The following SYNE1 variants were observed in gnomAD, a reference collection of about 807,000 sequenced individuals.
SYNE1 encodes nesprin-1.
Under a neutral mutation model 1,111.0 loss-of-function variants are expected in SYNE1, and 616 were observed. That is an observed-to-expected ratio of 0.55 (90% CI 0.52 to 0.59). The LOEUF (loss-of-function observed/expected upper bound fraction) is 0.59. Ranked by LOEUF, SYNE1 falls within the 20% of genes least tolerant of loss-of-function variation. The pLI, the probability that SYNE1 is intolerant of heterozygous loss-of-function variation, is 0.00. For synonymous variants in SYNE1, 3,855 were observed against 3,825.8 expected (o/e 1.01, Z -0.28); for missense variants, 10,006 against 10,417.0 (o/e 0.96, Z 1.72).
intron 6 of SYNE1, among the ~76,000 whole-genome samples, chr6:152,519,395 G>A (rs1421460998): frequency 6.6e-6 from 1 of 152,090 alleles, no homozygotes; most frequent in Admixed American, 6.6e-5. Context: ...GAAAAATTAT[G>A]AGCCAATATT....
Position 152,126,301 on chromosome 6 carries a change from G to A in SYNE1, c.26154-3625C>T, listed in dbSNP as rs988465590. 2.0e-5 allele frequency: 3 copies of A among 152,154 alleles called. No homozygotes were observed. The East Asian group carries it at 5.8e-4, about 29-fold the overall frequency. The allele number at this position is 152,154 out of a possible 1,614,324, so 9.4% of individuals were successfully genotyped here. On this transcript the variant is annotated intron_variant, in intron 145 of 145. Coordinates refer to ENST00000367255, the MANE Select transcript of SYNE1 (RefSeq NM_182961.4). ...GCCCAAAGCTGCCTCATCTTCAGGG[G>A]GAACTTGTTCTAGCGATTTTAGTAT...
Position 152,135,028 on chromosome 6 carries a change from C to T in SYNE1, c.25788+76G>A, listed in dbSNP as rs562578009. 22 of 1,599,710 alleles carry T rather than the reference C, an allele frequency of 1.4e-5. No individual in the cohort carries two copies. In the African/African-American group the frequency reaches 2.8e-4, roughly 20 times the overall value. The stretch of plus-strand genomic sequence containing the variant: ...AAAAAAAAAGAAACAACACTTACCA[C>T]TTATATTCATTTTCTGTAAATGAAA... On this transcript the variant is annotated intron_variant, in intron 142 of 145. Transcript: ENST00000367255.
In SYNE1 at chr6:152,455,447, C is replaced by T; in HGVS notation, c.2871G>A (p.Glu957=). ...QEGLEEKGDP[E]ELLRRHTEFF... is the part of the protein sequence containing the mutation. ...TCACAGTGTGTCTCCGCAGGAGCTC[C>T]TCTGGATCCCCCTTTTCCTCCAGGC... is the stretch of plus-strand genomic sequence containing the variant. Residue 957 remains glutamate (E), a synonymous_variant, in exon 24 of 146, where the codon GAG becomes GAA. Transcript: ENST00000367255. The T allele has an allele frequency of 1.2e-6, 2 of 1,614,110 alleles. No individual in the cohort carries two copies. The highest frequency in any genetic ancestry group is 1.1e-5 in the South Asian group (1 of 91,080).
chr6:152,309,087 G>A (rs745609965), intron 90 of SYNE1, among the ~76,000 whole-genome samples: 1 of 152,216 alleles, frequency 6.6e-6, no homozygotes, highest in Non-Finnish European at 1.5e-5. Flanking sequence ...TGGAGGCCAA[G>A]GTGGCTGGAT....
At chr6:152,288,101 A>C (rs2094424844) in intron 95 of SYNE1, among the ~76,000 whole-genome samples, 1 of 150,184 alleles carries the variant, frequency 6.7e-6, no homozygotes, top group Non-Finnish European at 1.5e-5. Flanking sequence ...CTCCTCCATA[A>C]TTAGATGGAT....
intron 76 of SYNE1, 128 bp downstream of exon 76, chr6:152,336,713 A>T: frequency 7.9e-7 from 1 of 1,264,010 alleles, no homozygotes; most frequent in Non-Finnish European, 1.1e-6. Context: ...CCTCTGCCTT[A>T]AAGAGTTGTA....
chr6:152,282,189 T>C (rs1465177856), intron 96 of SYNE1: 1 of 603,484 alleles, frequency 1.7e-6, no homozygotes, highest in Non-Finnish European at 3.0e-6. Context: ...AAAGACTCCC[T>C]AGTGATTTTA....
intron 21 of SYNE1, among the ~76,000 whole-genome samples, chr6:152,459,293 A>C (rs2098717001): frequency 6.6e-6 from 1 of 152,126 alleles, no homozygotes; most frequent in South Asian, 2.1e-4. Context: ...ATCTGACCTA[A>C]GACAGTCATG....
chr6:152,160,554 T>C (rs1160573918), intron 131 of SYNE1, among the ~76,000 whole-genome samples: 7 of 152,206 alleles, frequency 4.6e-5, no homozygotes, highest in Non-Finnish European at 1.0e-4. Context: ...GTGTAGCATA[T>C]GCAGCATATA....
intron 3 of SYNE1, among the ~76,000 whole-genome samples, chr6:152,620,963 A>T (rs906421768): frequency 1.3e-5 from 2 of 152,204 alleles, no homozygotes; most frequent in African/African-American, 4.8e-5. Context: ...GATAATTGTC[A>T]TATTGTGCTA....
In SYNE1 at chr6:152,125,279, A is replaced by G. The variant is rs552930809; in HGVS notation, c.26154-2603T>C. The G allele has an allele frequency of 1.0e-5, 16 of 1,550,468 alleles. No individual in the cohort carries two copies. In the Admixed American group the frequency reaches 1.8e-4, roughly 17 times the overall value. Reference sequence around the variant, plus strand: ...TTCATTTCACAGGTATCTCACATGTAGAAGCAAAGAAGAGAATCCTGAACT... The same window carrying G: ...TTCATTTCACAGGTATCTCACATGTGGAAGCAAAGAAGAGAATCCTGAACT... On this transcript the variant is annotated intron_variant, in intron 145 of 145. Coordinates refer to ENST00000367255, the MANE Select transcript of SYNE1 (RefSeq NM_182961.4).
intron 22 of SYNE1, 87 bp downstream of exon 22, chr6:152,458,670 T>G: frequency 7.8e-6 from 11 of 1,403,178 alleles, no homozygotes; most frequent in Non-Finnish European, 1.1e-5. Flanking sequence ...TTTCTTGTCC[T>G]CACTGAATTT....
At chr6:152,285,542 G>A (rs76984077) in intron 95 of SYNE1, among the ~76,000 whole-genome samples, 16,789 of 151,878 alleles carry the variant, frequency 0.11, 1,065 homozygotes, top group Admixed American at 0.19. Flanking sequence ...TGCCTCGTGT[G>A]CCACACTCCC....
intron 3 of SYNE1, among the ~76,000 whole-genome samples, chr6:152,542,444 T>C (rs1022257320): frequency 4.6e-5 from 7 of 152,186 alleles, no homozygotes; most frequent in Non-Finnish European, 1.0e-4. Context: ...GGCACTGACA[T>C]TTAGATAAAT....
intron 143 of SYNE1, 55 bp downstream of exon 143, chr6:152,133,221 G>T: frequency 6.7e-7 from 1 of 1,500,492 alleles, no homozygotes; most frequent in Non-Finnish European, 9.3e-7. Context: ...TGAAGATGAT[G>T]CTTCTTTGGT....
intron 4 of SYNE1, among the ~76,000 whole-genome samples, chr6:152,529,948 C>T (rs936801096): frequency 6.6e-6 from 1 of 152,146 alleles, no homozygotes; most frequent in African/African-American, 2.4e-5. Context: ...ACCCAAATCA[C>T]ATTATTAGCA....
At position 152,302,017 on chromosome 6, in the gene SYNE1, A is replaced by G. The variant is rs768053953; in HGVS notation, c.17393T>C (p.Leu5798Ser). Residue 5798 changes from leucine to serine, a missense_variant, in exon 92 of 146, where the codon TTG becomes TCG. This residue lies in a region of SYNE1 where 4,955 missense variants were observed against 5,017.2 expected (regional missense o/e 0.99). Transcript: ENST00000367255. ...CGTCAGCATCTTGCACTTGGAATTC[A>G]AAGAAGCGATCTGCTCCTGGTAGCC... Reference protein sequence around the residue: ...IKGYQEQIASLNSKCKMLTMK... With the variant: ...IKGYQEQIASSNSKCKMLTMK... 1.9e-6 allele frequency: 3 copies of G among 1,614,152 alleles called. No homozygotes were observed.
intron 11 of SYNE1, 58 bp downstream of exon 11, chr6:152,498,684 G>T (rs1349479577): frequency 4.1e-6 from 5 of 1,206,870 alleles, no homozygotes; most frequent in Non-Finnish European, 5.9e-6. Flanking sequence ...TGACTAAAAT[G>T]CTACAGAATG....
Position 152,136,775 on chromosome 6 carries a change from G to C in SYNE1, c.25502C>G (p.Ser8501Cys), listed in dbSNP as rs780663334. 1 of 1,614,234 alleles carries C rather than the reference G, an allele frequency of 6.2e-7. No individual in the cohort carries two copies. Among genetic ancestry groups the C allele is most frequent in the Non-Finnish European group, 8.5e-7 (1 of 1,180,044 alleles). Residue 8501 changes from serine (S) to cysteine (C), a missense_variant, in exon 141 of 146, where the codon TCC (serine) becomes TGC (cysteine). Physicochemically the swap from Ser to Cys is moderately radical, Grantham distance 112. Transcript: ENST00000367255. ...AVDHRKAIIL[S>C]INLCSPEFTQ... ...GAACTCAGGGCTGCAGAGATTGATGGAGAGGATGATGGCTTTGCGGTGGTC... is the reference window on the plus strand; with the variant it reads ...GAACTCAGGGCTGCAGAGATTGATGCAGAGGATGATGGCTTTGCGGTGGTC...
Sources: allele counts gnomAD v4.1 joint callset (sites outside exome capture counted in the v4.1 genomes callset), GRCh38; gene constraint gnomAD v4.1.1; regional missense constraint gnomAD v4.1.1; transcripts MANE v1.5; gene names NCBI Gene and HGNC (gene_info 2026-07-23, HGNC 2026-07-21).